Variants in ST8SIA3 observed in about 807,000 individuals in gnomAD.
ST8SIA3 encodes the protein ST8 alpha-N-acetyl-neuraminide alpha-2,8-sialyltransferase 3, also known as alpha-N-acetylneuraminate alpha-2,8-sialyltransferase ST8SIA3.
In ST8SIA3, 17 loss-of-function variants were observed where a neutral mutation model predicts 34.5. The observed-to-expected ratio is 0.49, with a 90% confidence interval of 0.34 to 0.74. ST8SIA3 has a LOEUF of 0.74. Ranked by LOEUF, ST8SIA3 falls within the 30% of genes least tolerant of loss-of-function variation. The pLI is 0.01. For missense variants in ST8SIA3, 354 were observed against 467.8 expected (o/e 0.76, Z 2.24); for synonymous variants, 172 against 176.1 (o/e 0.98, Z 0.19).
Position 57,368,020 on chromosome 18 carries a change from C to T in ST8SIA3, c.*7743C>T, listed in dbSNP as rs1335435827. 6.6e-6 allele frequency: 1 copy of T among 152,536 alleles called. No individual in the cohort carries two copies. The highest frequency in any genetic ancestry group is 1.5e-5 in the Non-Finnish European group (1 of 68,040). The allele number at this position is 152,536 out of a possible 1,614,324, so 9.4% of individuals were successfully genotyped here. On this transcript the variant is annotated 3_prime_UTR_variant, in exon 4 of 4. Transcript: ENST00000324000. ...TACAGATCTAGATGTTATCTCAAGT[C>T]AGGATTCCAGATCAACATCCTCCAT...
intron 2 of ST8SIA3, among the ~76,000 whole-genome samples, 184 bp from the exon 3 acceptor site, chr18:57,356,729 A>T (rs1035147109): frequency 6.6e-6 from 1 of 152,220 alleles, no homozygotes; most frequent in Non-Finnish European, 1.5e-5. Context: ...AATTGACTGA[A>T]AGATTAGAAT....
chr18:57,361,384 C>T lies in ST8SIA3; in HGVS notation c.*1107C>T, dbSNP rs569308271. 4 of 152,666 alleles carry T rather than the reference C, an allele frequency of 2.6e-5. No individual in the cohort carries two copies. The East Asian group carries it at 7.7e-4, about 29-fold the overall frequency. 9.5% of individuals were successfully genotyped at this position (152,666 alleles called of 1,614,324 possible). A position where few individuals can be genotyped will look rare whatever the true frequency, so the allele number is the denominator to read the frequency against. ...GGAGGATCTTGGCCAGGCCAGGTGC[C>T]CAGGTGACTAGTGCTGAGGTGCGAT... On this transcript the variant is annotated 3_prime_UTR_variant, in exon 4 of 4. Transcript: ENST00000324000.
intron 1 of ST8SIA3, among the ~76,000 whole-genome samples, chr18:57,354,130 C>A (rs963691168): frequency 2.0e-5 from 3 of 152,218 alleles, no homozygotes; most frequent in Non-Finnish European, 2.9e-5. Context: ...CAGCCCTGCG[C>A]CCGGCGTGCG....
Position 57,357,456 on chromosome 18 carries a change from G to T in ST8SIA3, c.846G>T (p.Met282Ile). Residue 282 changes from methionine to isoleucine, a missense_variant, in exon 3 of 4, where the codon ATG becomes ATT. Transcript: ENST00000324000. ...AACTGGCTTGGCCGGGAAATATAAT[G>T]CAACATGTCAACAGGTGTGTATATT... ...KVQLAWPGNIMQHVNRYWKNK... is the reference protein window; with the variant it reads ...KVQLAWPGNIIQHVNRYWKNK... 6.2e-7 allele frequency: 1 copy of T among 1,611,146 alleles called. No individual in the cohort carries two copies. Among genetic ancestry groups the T allele is most frequent in the Non-Finnish European group, 8.5e-7 (1 of 1,179,192 alleles).
At chr18:57,355,411 G>GCT (rs1003133689) in intron 2 of ST8SIA3, among the ~76,000 whole-genome samples, 8 of 151,916 alleles carry the variant, frequency 5.3e-5, no homozygotes, top group African/African-American at 1.9e-4. Context: ...TCTAGTTATT[G>GCT]CTCTCTCTCT....
chr18:57,354,611 A>G, intron 2 of ST8SIA3, 87 bp downstream of exon 2: 1 of 1,520,466 alleles, frequency 6.6e-7, no homozygotes, highest in Non-Finnish European at 9.0e-7. Context: ...AAACAAAAAC[A>G]TCTAAAACAA....
intron 3 of ST8SIA3, among the ~76,000 whole-genome samples, chr18:57,358,494 C>A (rs1188217030): frequency 3.3e-5 from 5 of 152,100 alleles, no homozygotes; most frequent in East Asian, 1.9e-4. Flanking sequence ...TAGTTGACCT[C>A]TCATAGGAGG....
At chr18:57,359,701 C>T (rs2049818771) in intron 3 of ST8SIA3, among the ~76,000 whole-genome samples, 1 of 152,166 alleles carries the variant, frequency 6.6e-6, no homozygotes, top group African/African-American at 2.4e-5. Flanking sequence ...AGTGTGATCC[C>T]AGGAAATCCC....
At position 57,360,063 on chromosome 18, in the gene ST8SIA3, C is replaced by T; in HGVS notation, c.929C>T (p.Ser310Leu). 4 of 1,614,130 alleles carry T rather than the reference C, an allele frequency of 2.5e-6. No individual in the cohort carries two copies. Among genetic ancestry groups the T allele is most frequent in the Non-Finnish European group, 3.4e-6 (4 of 1,179,998 alleles). ...STGILMYTLASAICEEIHLYG... is the reference protein window; with the variant it reads ...STGILMYTLALAICEEIHLYG... ...GGTATTCTTATGTACACCCTTGCATCAGCAATATGTGAAGAGATCCACTTG... is the reference window on the plus strand; with the variant it reads ...GGTATTCTTATGTACACCCTTGCATTAGCAATATGTGAAGAGATCCACTTG... Residue 310 changes from serine (S) to leucine (L), a missense_variant, in exon 4 of 4, where the codon TCA becomes TTA. Around this residue, in one of 3 missense-constraint regions of ST8SIA3, gnomAD observed 166 missense variants for 245.2 expected, o/e 0.68. Coordinates refer to ENST00000324000, the MANE Select transcript of ST8SIA3 (RefSeq NM_015879.3).
chr18:57,353,863 C>T (rs2144197673), intron 1 of ST8SIA3, among the ~76,000 whole-genome samples: 1 of 152,326 alleles, frequency 6.6e-6, no homozygotes, highest in Middle Eastern at 3.4e-3. Context: ...AGAGGAGCCT[C>T]GCCTGGACCG....
chr18:57,358,485 A>T (rs1465942562), intron 3 of ST8SIA3, among the ~76,000 whole-genome samples: 1 of 152,192 alleles, frequency 6.6e-6, no homozygotes, highest in East Asian at 1.9e-4. Context: ...AGATCTGTTT[A>T]GTTGACCTCT....
At position 57,368,767 on chromosome 18, in the gene ST8SIA3, G is replaced by T. The variant is rs1003543314; in HGVS notation, c.*8490G>T. 2.0e-5 allele frequency: 3 copies of T among 152,188 alleles called. No homozygotes were observed. The highest frequency in any genetic ancestry group is 4.4e-5 in the Non-Finnish European group (3 of 68,044). The allele number at this position is 152,188 out of a possible 1,614,324, so 9.4% of individuals were successfully genotyped here. A position where few individuals can be genotyped will look rare whatever the true frequency, so the allele number is the denominator to read the frequency against. On this transcript the variant is annotated 3_prime_UTR_variant, in exon 4 of 4. Coordinates refer to ENST00000324000, the MANE Select transcript of ST8SIA3 (RefSeq NM_015879.3). ...GGTGAACAAGGACAGAGGCAATTGC[G>T]TGTATATTGTGACTGTAGTTTGTGA...
Position 57,356,965 on chromosome 18 carries a change from A to T in ST8SIA3, c.355A>T (p.Asn119Tyr), listed in dbSNP as rs747897514. ...AATAAAAAATTTTTCTTTGACCAAG[A>T]ATAGTGTTCGGATTGGACAACTGAT... Reference protein sequence around the residue: ...DVIKNFSLTKNSVRIGQLMHY... With the variant: ...DVIKNFSLTKYSVRIGQLMHY... Residue 119 changes from asparagine to tyrosine, a missense_variant, in exon 3 of 4, where the codon AAT (asparagine) becomes TAT (tyrosine). Coordinates refer to ENST00000324000, the MANE Select transcript of ST8SIA3 (RefSeq NM_015879.3). 3 of 1,611,508 alleles carry T rather than the reference A, an allele frequency of 1.9e-6. No individual in the cohort carries two copies. The highest frequency in any genetic ancestry group is 2.5e-6 in the Non-Finnish European group (3 of 1,179,088).
Position 57,357,243 on chromosome 18 carries a change from C to T in ST8SIA3, c.633C>T (p.Asn211=), listed in dbSNP as rs180692925. The T allele has an allele frequency of 1.1e-5, 18 of 1,614,170 alleles. No individual in the cohort carries two copies. The African/African-American group carries it at 2.0e-4, about 18-fold the overall frequency. ...VGRKTNLTTF[N]PSILEKYYNN... ...GAAAAACCAATCTTACCACCTTCAA[C>T]CCCAGCATCCTGGAAAAATATTACA... is the stretch of plus-strand genomic sequence containing the variant. The change falls in exon 3 of 4, where the codon AAC becomes AAT. Residue 211 remains asparagine (N), a synonymous_variant. Transcript: ENST00000324000.
Position 57,359,947 on chromosome 18 carries a change from A to G in ST8SIA3, c.861-48A>G, listed in dbSNP as rs779502204. 1.9e-6 allele frequency: 3 copies of G among 1,556,722 alleles called. No homozygotes were observed. The East Asian group carries it at 6.8e-5, about 35-fold the overall frequency. ...CAGTCAGATAGACCTTGCTGATTGA[A>G]ACTTTCAACGCTGACCTCTGAATCC... is the stretch of plus-strand genomic sequence containing the variant. On this transcript the variant is annotated intron_variant, in intron 3 of 3. Transcript: ENST00000324000.
Position 57,360,161 on chromosome 18 carries a change from G to A in ST8SIA3, c.1027G>A (p.Gly343Arg). 6.2e-7 allele frequency: 1 copy of A among 1,614,126 alleles called. No homozygotes were observed. Among genetic ancestry groups the A allele is most frequent in the Non-Finnish European group, 8.5e-7 (1 of 1,180,006 alleles). ...TCCATACCATTACTATGACAAAAAA[G>A]GAACCAAATTTACCACCAAGTGGCA... The part of the protein sequence containing the change: ...DLPYHYYDKK[G>R]TKFTTKWQES... Residue 343 changes from glycine (G) to arginine (R), a missense_variant, in exon 4 of 4, where the codon GGA becomes AGA. Transcript: ENST00000324000.
chr18:57,358,909 C>T (rs965810850), intron 3 of ST8SIA3, among the ~76,000 whole-genome samples: 1 of 152,108 alleles, frequency 6.6e-6, no homozygotes, highest in Non-Finnish European at 1.5e-5. Context: ...CATTCTAGTT[C>T]CTTAGACAGG....
intron 2 of ST8SIA3, among the ~76,000 whole-genome samples, chr18:57,355,152 A>G (rs1181197724): frequency 1.3e-5 from 2 of 152,214 alleles, no homozygotes; most frequent in Admixed American, 1.3e-4. Flanking sequence ...TTCATTTTAT[A>G]CACATAAGAT....
At chr18:57,353,879 C>T (rs368497926) in intron 1 of ST8SIA3, among the ~76,000 whole-genome samples, 102 of 152,230 alleles carry the variant, frequency 6.7e-4, no homozygotes, top group African/African-American at 2.4e-3. Context: ...GACCGAGGAG[C>T]GGAGTAGGCC....
Sources: allele counts gnomAD v4.1 joint callset (sites outside exome capture counted in the v4.1 genomes callset), GRCh38; gene constraint gnomAD v4.1.1; regional missense constraint gnomAD v4.1.1; transcripts MANE v1.5; gene names NCBI Gene and HGNC (gene_info 2026-07-23, HGNC 2026-07-21).